Variants in ATP9B observed in about 807,000 individuals in gnomAD.
ATP9B encodes probable phospholipid-transporting ATPase IIB.
In ATP9B, 110 loss-of-function variants were observed where a neutral mutation model predicts 146.1. The ratio of observed to expected loss-of-function variants is 0.75; its 90% CI spans 0.65 to 0.88. ATP9B has a LOEUF of 0.88. ATP9B is among the 40% of genes least tolerant of loss of function. The pLI is 0.00. For synonymous variants in ATP9B, 604 were observed against 569.7 expected, an observed-to-expected ratio of 1.06 and a Z score of -0.86; for missense variants, 1,499 against 1,496.4, an observed-to-expected ratio of 1.00 and a Z score of -0.03.
chr18:79,337,190 T>G (rs912594812), intron 18 of ATP9B, 89 bp from the exon 19 acceptor site: 7 of 1,521,306 alleles, frequency 4.6e-6, no homozygotes, highest in African/African-American at 2.9e-5. Context: ...CCTCCCCCTC[T>G]GTCCCCACAG....
intron 13 of ATP9B, among the ~76,000 whole-genome samples, chr18:79,280,869 T>G (rs1232482402): frequency 6.6e-6 from 1 of 152,208 alleles, no homozygotes; most frequent in African/African-American, 2.4e-5. Context: ...AAGTATATAC[T>G]TTTAAATAGC....
intron 11 of ATP9B, among the ~76,000 whole-genome samples, chr18:79,219,231 A>G (rs1387846512): frequency 6.6e-6 from 1 of 152,100 alleles, no homozygotes; most frequent in Non-Finnish European, 1.5e-5. Context: ...GACTCTTCCA[A>G]GGGTTTGGGG....
intron 1 of ATP9B, among the ~76,000 whole-genome samples, chr18:79,073,392 C>T (rs1389317031): frequency 7.2e-5 from 11 of 152,182 alleles, no homozygotes; most frequent in East Asian, 1.9e-4. Context: ...CCCGGGAGGC[C>T]GAGGCGGGCA....
intron 27 of ATP9B, among the ~76,000 whole-genome samples, chr18:79,373,636 C>T (rs1209633538): frequency 2.6e-5 from 4 of 151,948 alleles, no homozygotes; most frequent in South Asian, 2.1e-4. Context: ...ATTACAGGTG[C>T]GTGCCACCAC....
At chr18:79,356,085 C>T (rs898805853) in intron 25 of ATP9B, among the ~76,000 whole-genome samples, 7 of 152,170 alleles carry the variant, frequency 4.6e-5, no homozygotes, top group Non-Finnish European at 1.0e-4. Flanking sequence ...GGACAGAAGG[C>T]GCAGAGACGG....
chr18:79,132,919 A>G (rs183293280), intron 5 of ATP9B, among the ~76,000 whole-genome samples: 76 of 152,382 alleles, frequency 5.0e-4, no homozygotes, highest in African/African-American at 1.8e-3. Context: ...TATTTTAACC[A>G]GTATATTATC....
intron 7 of ATP9B, among the ~76,000 whole-genome samples, chr18:79,167,752 G>T (rs1372591267): frequency 1.2e-4 from 18 of 152,196 alleles, no homozygotes; most frequent in Admixed American, 1.2e-3. Flanking sequence ...CTCACTTCCG[G>T]CAGTGGACCT....
intron 17 of ATP9B, among the ~76,000 whole-genome samples, chr18:79,332,673 G>A (rs576502197): frequency 5.9e-5 from 9 of 152,304 alleles, no homozygotes; most frequent in East Asian, 1.9e-4. Flanking sequence ...AATAATCTGC[G>A]TAAAAGTGGA....
intron 7 of ATP9B, among the ~76,000 whole-genome samples, chr18:79,175,597 G>A (rs72996110): frequency 1.9e-4 from 29 of 152,210 alleles, no homozygotes; most frequent in African/African-American, 5.5e-4. Context: ...GCATGCATGC[G>A]TACATAGGTA....
chr18:79,141,642 G>A (rs981482220), intron 5 of ATP9B, among the ~76,000 whole-genome samples: 8 of 152,086 alleles, frequency 5.3e-5, no homozygotes, highest in Non-Finnish European at 1.2e-4. Context: ...ACTTTGTGTC[G>A]TCGATTGCTC....
chr18:79,283,010 C>T (rs1599578108), intron 13 of ATP9B, among the ~76,000 whole-genome samples: 1 of 152,356 alleles, frequency 6.6e-6, no homozygotes, highest in African/African-American at 2.4e-5. Context: ...GGTTTTGCCC[C>T]CTTGCCTTTG....
chr18:79,260,594 T>G (rs1408598850), intron 12 of ATP9B, among the ~76,000 whole-genome samples: 2 of 152,222 alleles, frequency 1.3e-5, no homozygotes, highest in African/African-American at 2.4e-5. Flanking sequence ...CCATCATGTT[T>G]TATCAGCAGA....
chr18:79,190,926 T>C (rs1291559422), intron 8 of ATP9B, among the ~76,000 whole-genome samples: 1 of 152,230 alleles, frequency 6.6e-6, no homozygotes, highest in Non-Finnish European at 1.5e-5. Flanking sequence ...AGATATTTAC[T>C]ACTTTTGTTC....
chr18:79,226,114 T>G (rs2095731438), intron 11 of ATP9B, among the ~76,000 whole-genome samples: 1 of 152,256 alleles, frequency 6.6e-6, no homozygotes, highest in South Asian at 2.1e-4. Context: ...CTCACCCAGT[T>G]CACGACAGTG....
At chr18:79,218,064 G>T (rs2095644256) in intron 11 of ATP9B, among the ~76,000 whole-genome samples, 1 of 152,234 alleles carries the variant, frequency 6.6e-6, no homozygotes, top group South Asian at 2.1e-4. Flanking sequence ...GTCATGCTCT[G>T]ATAATAAAGT....
At position 79,377,318 on chromosome 18, in the gene ATP9B, C is replaced by T; in HGVS notation, c.3379C>T (p.Leu1127=). 2.5e-6 allele frequency: 4 copies of T among 1,612,352 alleles called. No individual in the cohort carries two copies. Among genetic ancestry groups the T allele is most frequent in the Non-Finnish European group, 3.4e-6 (4 of 1,180,024 alleles). Residue 1127 remains leucine (L), a synonymous_variant, in exon 30 of 30, where the codon CTG becomes TTG. Coordinates refer to ENST00000426216, the MANE Select transcript of ATP9B (RefSeq NM_198531.5). ...GATCACCGTGGTCAGCTGCCTCCCGCTGTATGTCCTCAAGTACCTGAGGCG... is the reference window on the plus strand; with the variant it reads ...GATCACCGTGGTCAGCTGCCTCCCGTTGTATGTCCTCAAGTACCTGAGGCG... ...SAITVVSCLP[L]YVLKYLRRKL...
At chr18:79,137,087 T>G (rs2094456795) in intron 5 of ATP9B, among the ~76,000 whole-genome samples, 1 of 152,220 alleles carries the variant, frequency 6.6e-6, no homozygotes, top group Admixed American at 6.5e-5. Flanking sequence ...AACCATATCA[T>G]ACTTTAATTT....
At chr18:79,303,005 C>T (rs922461707) in intron 13 of ATP9B, among the ~76,000 whole-genome samples, 2 of 152,138 alleles carry the variant, frequency 1.3e-5, no homozygotes, top group African/African-American at 4.8e-5. Context: ...AAGTTGCATT[C>T]GTTCCAAATA....
Position 79,253,549 on chromosome 18 carries a change from T to C in ATP9B, c.1268+8T>C, listed in dbSNP as rs751437737. ...TTACATCATTCCCATAAGGTAAGTT[T>C]AAAAATGAAAATAAAACAAATGTCT... On this transcript the variant is annotated splice_region_variant and intron_variant, in intron 12 of 29. Transcript: ENST00000426216. The C allele has an allele frequency of 6.4e-7, 1 of 1,568,988 alleles. No individual in the cohort carries two copies. Among genetic ancestry groups the C allele is most frequent in the South Asian group, 1.2e-5 (1 of 83,426 alleles).
Sources: gnomAD v4.1 joint callset for allele counts (sites outside exome capture counted in the v4.1 genomes callset) on GRCh38, gnomAD v4.1.1 for gene constraint, MANE v1.5 for transcripts, NCBI Gene and HGNC (gene_info 2026-07-23, HGNC 2026-07-21) for gene names.